Variants in TBC1D15 observed in about 807,000 individuals in gnomAD.
The protein encoded by TBC1D15 is GAP for RAB7.
In TBC1D15, 39 loss-of-function variants were observed where a neutral mutation model predicts 95.4. That is an observed-to-expected ratio of 0.41 (90% confidence interval 0.32 to 0.53). The LOEUF (loss-of-function observed/expected upper bound fraction) is 0.53, where lower values mean the gene tolerates loss of function less well. Ranked by LOEUF, TBC1D15 falls within the 20% of genes least tolerant of loss-of-function variation. TBC1D15 has a pLI of 0.29. For missense variants in TBC1D15, 733 were observed against 794.3 expected (o/e 0.92, Z 0.93); for synonymous variants, 258 against 261.3 (o/e 0.99, Z 0.12).
At chr12:71,897,308 TGTCA>T (rs1306921605) in intron 9 of TBC1D15, 2 of 154,216 alleles carry the variant, frequency 1.3e-5, no homozygotes, top group Non-Finnish European at 2.9e-5. Context: ...TGTTCTCAGT[TGTCA>T]GTCTAGCCTT....
At position 71,923,481 on chromosome 12, in the gene TBC1D15, T is replaced by C. The variant is rs1870191541; in HGVS notation, c.*277T>C. 3.0e-6 allele frequency: 1 copy of C among 331,208 alleles called. No homozygotes were observed. The highest frequency in any genetic ancestry group is 5.6e-6 in the Non-Finnish European group (1 of 179,776). 20.5% of individuals were successfully genotyped at this position (331,208 alleles called of 1,614,324 possible). The stretch of plus-strand genomic sequence containing the variant: ...CTGATGAACTGGAATTGGATAAATA[T>C]TGCAAGTGGATGAGTTGGAAATTAT... On this transcript the variant is annotated 3_prime_UTR_variant, in exon 17 of 17. Transcript: ENST00000485960.
At chr12:71,917,458 CTTT>C (rs1903981352) in intron 12 of TBC1D15, among the ~76,000 whole-genome samples, 1 of 152,116 alleles carries the variant, frequency 6.6e-6, no homozygotes, top group South Asian at 2.1e-4. Context: ...CTGCATTCTT[CTTT>C]ATCTAAGTCA....
At position 71,907,318 on chromosome 12, in the gene TBC1D15, C is replaced by T. The variant is rs576638328; in HGVS notation, c.1300+180C>T. ...TCAACCAAGGAGCCCTGGGTTGCTG[C>T]AGCAAACTAACAGGAGCACCATGGG... is the stretch of plus-strand genomic sequence containing the variant. On this transcript the variant is annotated intron_variant, in intron 11 of 16. Coordinates refer to ENST00000485960, the MANE Select transcript of TBC1D15 (RefSeq NM_001146213.3). 2.2e-5 allele frequency: 9 copies of T among 405,844 alleles called. 1 individual carries two copies. The South Asian group carries it at 5.1e-4, about 23-fold the overall frequency. The allele number at this position is 405,844 out of a possible 1,614,324, so 25.1% of individuals were successfully genotyped here. A position where few individuals can be genotyped will look rare whatever the true frequency, so the allele number is the denominator to read the frequency against.
At chr12:71,919,212 T>C (rs1316861604) in intron 14 of TBC1D15, among the ~76,000 whole-genome samples, 1 of 151,010 alleles carries the variant, frequency 6.6e-6, no homozygotes, top group African/African-American at 2.5e-5. Flanking sequence ...TTTTTTTTTT[T>C]TTTTTTTTAA....
At chr12:71,906,546 CAAAGAATTTGATTATACTTCTTATAATA>C in intron 10 of TBC1D15, among the ~76,000 whole-genome samples, 1 of 151,228 alleles carries the variant, frequency 6.6e-6, no homozygotes, top group Non-Finnish European at 1.5e-5. Context: ...TGAGACATGA[CAAAGAATTTGATTATACTTCTTATAATA>C]AATGCAGTAA....
chr12:71,891,045 G>C (rs1286947627), intron 5 of TBC1D15, among the ~76,000 whole-genome samples: 1 of 152,110 alleles, frequency 6.6e-6, no homozygotes, highest in African/African-American at 2.4e-5. Context: ...CCATTTAAAA[G>C]ATTAGGTTCT....
chr12:71,867,707 T>A (rs898746928), intron 1 of TBC1D15, among the ~76,000 whole-genome samples: 1 of 152,190 alleles, frequency 6.6e-6, no homozygotes, highest in African/African-American at 2.4e-5. Flanking sequence ...CAGGCTGGTC[T>A]GGAACTCCTG....
intron 4 of TBC1D15, among the ~76,000 whole-genome samples, chr12:71,884,089 CACA>C (rs1382689458): frequency 1.3e-5 from 2 of 152,088 alleles, no homozygotes; most frequent in African/African-American, 4.8e-5. Flanking sequence ...TTGAAGCATT[CACA>C]ACTTTTTATC....
intron 1 of TBC1D15, among the ~76,000 whole-genome samples, chr12:71,857,534 G>C (rs1889371308): frequency 6.6e-6 from 1 of 152,068 alleles, no homozygotes; most frequent in South Asian, 2.1e-4. Flanking sequence ...ATATATTATT[G>C]AAGTTTTAGT....
chr12:71,850,263 C>T (rs1465153125), intron 1 of TBC1D15: 1 of 521,642 alleles, frequency 1.9e-6, no homozygotes, highest in Non-Finnish European at 3.7e-6. Context: ...TAACATTTCT[C>T]TGTCAAATTT....
Position 71,907,067 on chromosome 12 carries a change from G to C in TBC1D15, c.1229G>C (p.Gly410Ala), listed in dbSNP as rs1299439367. 6.2e-7 allele frequency: 1 copy of C among 1,611,998 alleles called. No individual in the cohort carries two copies. The highest frequency in any genetic ancestry group is 8.5e-7 in the Non-Finnish European group (1 of 1,179,046). Residue 410 changes from glycine (G) to alanine (A), a missense_variant, in exon 11 of 17, where the codon GGC becomes GCC. By Grantham distance (60) the Gly-to-Ala change is moderately conservative. Coordinates refer to ENST00000485960, the MANE Select transcript of TBC1D15 (RefSeq NM_001146213.3). Reference protein sequence around the residue: ...RTDRTNKFYEGQDNPGLILLH... With the variant: ...RTDRTNKFYEAQDNPGLILLH... Reference sequence around the variant, plus strand: ...GATCGAACAAACAAGTTTTATGAAGGCCAAGATAATCCAGGGTTGATTTTA... The same window carrying C: ...GATCGAACAAACAAGTTTTATGAAGCCCAAGATAATCCAGGGTTGATTTTA...
intron 16 of TBC1D15, among the ~76,000 whole-genome samples, chr12:71,922,093 C>CT (rs972334976): frequency 9.9e-5 from 15 of 150,846 alleles, no homozygotes; most frequent in African/African-American, 2.2e-4. Flanking sequence ...CATGACTTTG[C>CT]TTTTTTTTTG....
intron 4 of TBC1D15, among the ~76,000 whole-genome samples, chr12:71,881,220 A>G (rs930185447): frequency 7.2e-5 from 11 of 152,194 alleles, no homozygotes; most frequent in African/African-American, 2.4e-4. Flanking sequence ...CACCTTTTCT[A>G]CATTTAGACG....
intron 11 of TBC1D15, among the ~76,000 whole-genome samples, chr12:71,909,705 AGG>A (rs1320270480): frequency 2.0e-5 from 3 of 152,148 alleles, no homozygotes; most frequent in Non-Finnish European, 2.9e-5. Flanking sequence ...AGTGTACAGT[AGG>A]ATGATAAGGT....
At chr12:71,852,981 G>T (rs1258151634) in intron 1 of TBC1D15, among the ~76,000 whole-genome samples, 1 of 152,076 alleles carries the variant, frequency 6.6e-6, no homozygotes, top group Non-Finnish European at 1.5e-5. Context: ...TTATAGCAAT[G>T]CCCATTTCTG....
intron 3 of TBC1D15, among the ~76,000 whole-genome samples, chr12:71,878,429 G>C (rs1224061324): frequency 6.6e-6 from 1 of 152,042 alleles, no homozygotes; most frequent in African/African-American, 2.4e-5. Flanking sequence ...GAGAGAGAGA[G>C]AGGTGGGGAA....
At chr12:71,918,187 A>C (rs1014694171) in intron 13 of TBC1D15, among the ~76,000 whole-genome samples, 3 of 151,998 alleles carry the variant, frequency 2.0e-5, no homozygotes, top group Non-Finnish European at 4.4e-5. Context: ...TATATACTCT[A>C]TTGCACTTTC....
At chr12:71,841,316 C>T (rs2137747053) in intron 1 of TBC1D15, 1 of 152,286 alleles carries the variant, frequency 6.6e-6, no homozygotes, top group South Asian at 2.1e-4. Context: ...GCAGCCACTA[C>T]CTTTCATAGT....
At chr12:71,920,698 C>A (rs578009922) in intron 14 of TBC1D15, 33 bp from the exon 15 acceptor site, 14 of 1,488,652 alleles carry the variant, frequency 9.4e-6, no homozygotes, top group African/African-American at 4.2e-5. Context: ...AGAATTGATA[C>A]AATTTGCAAA....
Sources: allele counts gnomAD v4.1 joint callset (sites outside exome capture counted in the v4.1 genomes callset), GRCh38; gene constraint gnomAD v4.1.1; transcripts MANE v1.5; gene names NCBI Gene and HGNC (gene_info 2026-07-23, HGNC 2026-07-21).